DLGAP1: variants seen among roughly 807,000 people sequenced by gnomAD.
DLGAP1 encodes the protein disks large-associated protein 1.
In DLGAP1, 11 loss-of-function variants were observed where a neutral mutation model predicts 90.8. The ratio of observed to expected loss-of-function variants is 0.12; its 90% CI spans 0.08 to 0.20. The LOEUF is 0.20. Among genes scored for constraint, DLGAP1 ranks in the 10% least tolerant of loss-of-function variants. DLGAP1 has a pLI of 1.00. For missense variants in DLGAP1, 1,050 were observed against 1,333.8 expected (o/e 0.79, Z 3.31); for synonymous variants, 558 against 540.7 (o/e 1.03, Z -0.44).
intron 2 of DLGAP1, among the ~76,000 whole-genome samples, chr18:4,135,860 ATTC>A (rs561521868): frequency 0.011 from 1,342 of 120,072 alleles, 7 homozygotes; most frequent in Middle Eastern, 0.065. Context: ...TTTTATTATT[ATTC>A]TTCTTATTAT....
At chr18:3,951,749 A>C (rs1007197884) in intron 3 of DLGAP1, among the ~76,000 whole-genome samples, 2 of 152,124 alleles carry the variant, frequency 1.3e-5, no homozygotes, top group Non-Finnish European at 2.9e-5. Flanking sequence ...AGTTCTTAAG[A>C]GATCTGATGG....
intron 2 of DLGAP1, among the ~76,000 whole-genome samples, chr18:4,055,764 T>G (rs553696699): frequency 1.4e-4 from 21 of 152,136 alleles, no homozygotes; most frequent in Non-Finnish European, 2.9e-4. Flanking sequence ...GAGATGTGTG[T>G]GGGCCACCCC....
chr18:3,536,218 T>G (rs149110535), intron 9 of DLGAP1, among the ~76,000 whole-genome samples: 2,453 of 145,622 alleles, frequency 0.017, 45 homozygotes, highest in African/African-American at 0.043. Context: ...TTTCTTACTT[T>G]CTTTCTTTTT....
intron 10 of DLGAP1, among the ~76,000 whole-genome samples, chr18:3,511,189 G>A (rs1165318863): frequency 6.6e-6 from 1 of 152,240 alleles, no homozygotes; most frequent in Non-Finnish European, 1.5e-5. Context: ...GGGAGAAGCA[G>A]ATGACAACTC....
chr18:4,171,923 G>C (rs2077033067), intron 1 of DLGAP1, among the ~76,000 whole-genome samples: 1 of 152,150 alleles, frequency 6.6e-6, no homozygotes, highest in Non-Finnish European at 1.5e-5. Flanking sequence ...AAATAGACTA[G>C]TGACTAAGCA....
At chr18:4,419,315 A>G (rs2144668370) in intron 1 of DLGAP1, among the ~76,000 whole-genome samples, 1 of 152,282 alleles carries the variant, frequency 6.6e-6, no homozygotes, top group East Asian at 1.9e-4. Flanking sequence ...GAATTATGGG[A>G]GCTACAAGAT....
At chr18:4,019,890 T>C (rs993391745) in intron 2 of DLGAP1, among the ~76,000 whole-genome samples, 27 of 152,186 alleles carry the variant, frequency 1.8e-4, no homozygotes, top group Non-Finnish European at 4.0e-4. Context: ...GCAAATTCTA[T>C]GACCTATAAA....
intron 2 of DLGAP1, among the ~76,000 whole-genome samples, chr18:4,086,395 C>T (rs933238475): frequency 6.6e-6 from 1 of 152,158 alleles, no homozygotes; most frequent in African/African-American, 2.4e-5. Flanking sequence ...ATTACTTTAG[C>T]TAACTAAGTT....
At chr18:3,796,473 A>G (rs2065995351) in intron 5 of DLGAP1, among the ~76,000 whole-genome samples, 1 of 152,240 alleles carries the variant, frequency 6.6e-6, no homozygotes, top group African/African-American at 2.4e-5. Flanking sequence ...TAATGATTTC[A>G]TGAGTACTGT....
intron 1 of DLGAP1, among the ~76,000 whole-genome samples, chr18:4,337,977 T>C (rs1392951440): frequency 1.3e-5 from 2 of 152,190 alleles, no homozygotes; most frequent in Non-Finnish European, 2.9e-5. Context: ...TCAGTGGCAT[T>C]TGAAACACCA....
chr18:3,577,189 C>CA (rs201379740), intron 8 of DLGAP1, among the ~76,000 whole-genome samples: 1,577 of 152,118 alleles, frequency 0.01, 35 homozygotes, highest in African/African-American at 0.035. Context: ...GCCCATGCAC[C>CA]AGCTGCTCTG....
At chr18:4,129,972 T>C (rs2144196277) in intron 2 of DLGAP1, among the ~76,000 whole-genome samples, 1 of 152,306 alleles carries the variant, frequency 6.6e-6, no homozygotes, top group South Asian at 2.1e-4. Flanking sequence ...CGGAGCATGC[T>C]GAACAGAAGC....
At chr18:3,984,278 C>T (rs936994091) in intron 3 of DLGAP1, 1 of 152,140 alleles carries the variant, frequency 6.6e-6, no homozygotes, top group African/African-American at 2.4e-5. Context: ...ACCAAAATCC[C>T]TTGTGAGGGC....
intron 3 of DLGAP1, among the ~76,000 whole-genome samples, chr18:3,947,167 A>G (rs1170448097): frequency 6.6e-6 from 1 of 152,148 alleles, no homozygotes; most frequent in Non-Finnish European, 1.5e-5. Flanking sequence ...TTGGGTATAG[A>G]CCAGTGTTTT....
intron 4 of DLGAP1, among the ~76,000 whole-genome samples, chr18:3,871,241 T>C (rs2070731992): frequency 6.6e-6 from 1 of 152,218 alleles, no homozygotes; most frequent in Non-Finnish European, 1.5e-5. Context: ...GACTAAATAA[T>C]TTCAAAGCCT....
chr18:4,451,320 A>T (rs575868269), intron 1 of DLGAP1, among the ~76,000 whole-genome samples: 149 of 149,036 alleles, frequency 1.0e-3, no homozygotes, highest in South Asian at 3.7e-3. Flanking sequence ...TCTCAATCAC[A>T]TGTTTTGCTC....
chr18:3,914,693 G>C (rs1022189304), intron 3 of DLGAP1, among the ~76,000 whole-genome samples: 1 of 152,010 alleles, frequency 6.6e-6, no homozygotes, highest in East Asian at 1.9e-4. Context: ...AGTGTACAAG[G>C]GTTCCCTTTT....
chr18:3,864,620 GAA>G (rs1397350104), intron 4 of DLGAP1, among the ~76,000 whole-genome samples: 2 of 152,180 alleles, frequency 1.3e-5, no homozygotes, highest in African/African-American at 4.8e-5. Context: ...GAAGGATTAT[GAA>G]GACTACATTG....
chr18:3,533,300 A>C (rs78084289), intron 10 of DLGAP1, among the ~76,000 whole-genome samples: 8,674 of 152,218 alleles, frequency 0.057, 472 homozygotes, highest in African/African-American at 0.14. Context: ...TCCATTATTT[A>C]TTTTATGTAT....
Sources: allele counts gnomAD v4.1 joint callset (sites outside exome capture counted in the v4.1 genomes callset), GRCh38; gene constraint gnomAD v4.1.1; transcripts MANE v1.5; gene names NCBI Gene and HGNC (gene_info 2026-07-23, HGNC 2026-07-21).